The following FCF1 variants were observed in gnomAD, a reference collection of about 807,000 sequenced individuals.
FCF1 encodes rRNA-processing protein FCF1 homolog.
Under a neutral mutation model 32.5 loss-of-function variants are expected in FCF1, and 17 were observed. The ratio of observed to expected loss-of-function variants is 0.52; its 90% CI spans 0.36 to 0.78. FCF1 has a LOEUF of 0.78. Ranked by LOEUF, FCF1 falls within the 30% of genes least tolerant of loss-of-function variation. The pLI is 0.00. For synonymous variants in FCF1, 84 were observed against 78.4 expected, an observed-to-expected ratio of 1.07 and a Z score of -0.38; for missense variants, 201 against 241.1, an observed-to-expected ratio of 0.83 and a Z score of 1.10.
At chr14:74,722,003 A>G (rs2090510017) in intron 4 of FCF1, among the ~76,000 whole-genome samples, 1 of 151,746 alleles carries the variant, frequency 6.6e-6, no homozygotes, top group African/African-American at 2.4e-5. Context: ...ATATACCTAC[A>G]AACTTAGTAT....
At chr14:74,734,845 A>C in intron 7 of FCF1, 37 bp from the exon 8 acceptor site, 1 of 1,589,120 alleles carries the variant, frequency 6.3e-7, no homozygotes, top group Non-Finnish European at 8.6e-7. Flanking sequence ...TTCTCTTCCC[A>C]TCTTTCTTAC....
At position 74,714,891 on chromosome 14, in the gene FCF1, A is replaced by G. The variant is rs2090395624; in HGVS notation, c.91A>G (p.Lys31Glu). 1 of 1,591,488 alleles carries G rather than the reference A, an allele frequency of 6.3e-7. No individual in the cohort carries two copies. The highest frequency in any genetic ancestry group is 8.5e-7 in the Non-Finnish European group (1 of 1,171,000). ...TCCTAGTAAAGAAAAGGATAGATTA[A>G]AACCTAAAAAGAAAGAAAAGAAGGA... ...DQRLKEKDRL[K>E]PKKKEKKDPS... The change falls in exon 3 of 8, where the codon AAA becomes GAA. Residue 31 changes from lysine (K) to glutamate (E), a missense_variant. Around this residue, in one of 3 missense-constraint regions of FCF1, gnomAD observed 76 missense variants for 75.0 expected, o/e 1.01. Transcript: ENST00000341162.
In FCF1 at chr14:74,723,266, T is replaced by C; in HGVS notation, c.293-6T>C. On this transcript the variant is annotated splice_region_variant and splice_polypyrimidine_tract_variant and intron_variant, in intron 4 of 7. Coordinates refer to ENST00000341162, the MANE Select transcript of FCF1 (RefSeq NM_015962.5). ...TGTTCTTAATGTGAATTTTTTTCCC[T>C]GGCAGGTATCCCATGTATAACCGAT... 1.2e-6 allele frequency: 2 copies of C among 1,610,658 alleles called. No homozygotes were observed. Among genetic ancestry groups the C allele is most frequent in the Non-Finnish European group, 1.7e-6 (2 of 1,177,100 alleles).
At position 74,735,328 on chromosome 14, in the gene FCF1, C is replaced by A. The variant is rs563966573; in HGVS notation, c.*398C>A. ...CACAGCTAGAGAAACAGGGTATTTA[C>A]AATGCCTGGGAAAGGAGGAGAGATA... On this transcript the variant is annotated 3_prime_UTR_variant, in exon 8 of 8. Transcript: ENST00000341162. 1.4e-3 allele frequency: 223 copies of A among 155,388 alleles called. No homozygotes were observed. Among genetic ancestry groups the A allele is most frequent in the Middle Eastern group, 3.2e-3 (1 of 310 alleles). 9.6% of individuals were successfully genotyped at this position (155,388 alleles called of 1,614,324 possible).
At chr14:74,722,907 A>G (rs931455832) in intron 4 of FCF1, among the ~76,000 whole-genome samples, 20 of 152,208 alleles carry the variant, frequency 1.3e-4, no homozygotes, top group African/African-American at 3.6e-4. Context: ...GGCTGCAGTG[A>G]GTTGAGATCG....
At chr14:74,734,696 A>G (rs1450208938) in intron 7 of FCF1, among the ~76,000 whole-genome samples, 186 bp from the exon 8 acceptor site, 1 of 152,206 alleles carries the variant, frequency 6.6e-6, no homozygotes, top group Non-Finnish European at 1.5e-5. Flanking sequence ...CTTTGAAAAA[A>G]CAATCATATT....
intron 2 of FCF1, among the ~76,000 whole-genome samples, chr14:74,713,861 C>T (rs1350046712): frequency 3.3e-5 from 5 of 152,186 alleles, no homozygotes; most frequent in Non-Finnish European, 7.3e-5. Flanking sequence ...TTTACCATTA[C>T]ACTACTACAT....
intron 4 of FCF1, among the ~76,000 whole-genome samples, chr14:74,717,427 A>G (rs952719532): frequency 5.9e-5 from 9 of 152,056 alleles, no homozygotes; most frequent in African/African-American, 2.2e-4. Context: ...ATCAGATGAG[A>G]AAAAAATGGA....
intron 4 of FCF1, among the ~76,000 whole-genome samples, 176 bp from the exon 5 acceptor site, chr14:74,723,093 GACA>G (rs1288116617): frequency 1.3e-5 from 2 of 152,120 alleles, no homozygotes; most frequent in Non-Finnish European, 2.9e-5. Flanking sequence ...TTGGGGTTGG[GACA>G]ATCTTAGTTT....
intron 3 of FCF1, chr14:74,715,697 T>C (rs2090408865): frequency 1.6e-6 from 1 of 640,882 alleles, no homozygotes; most frequent in African/African-American, 1.8e-5. Flanking sequence ...AGAGCTAGAT[T>C]GGATAATTGC....
At chr14:74,727,324 T>C (rs1368807714) in intron 5 of FCF1, among the ~76,000 whole-genome samples, 7 of 151,622 alleles carry the variant, frequency 4.6e-5, no homozygotes, top group South Asian at 2.1e-4. Context: ...TGGTATCTCA[T>C]TGTGGTTTTG....
intron 2 of FCF1, among the ~76,000 whole-genome samples, chr14:74,714,364 A>T (rs2090384333): frequency 6.6e-6 from 1 of 152,242 alleles, no homozygotes; most frequent in South Asian, 2.1e-4. Flanking sequence ...CTCAGCCTTT[A>T]GTGTGGATGT....
chr14:74,715,572 A>C (rs1036992573), intron 3 of FCF1: 4 of 350,408 alleles, frequency 1.1e-5, no homozygotes, highest in African/African-American at 8.6e-5. Flanking sequence ...ATCACATTCC[A>C]TAACAGCAGT....
chr14:74,716,744 C>T (rs1373176282), intron 4 of FCF1, among the ~76,000 whole-genome samples: 5 of 152,074 alleles, frequency 3.3e-5, no homozygotes, highest in African/African-American at 1.2e-4. Context: ...AAGATCTGTC[C>T]CATTTGTAGC....
At chr14:74,713,608 A>G in intron 2 of FCF1, 56 bp downstream of exon 2, 3 of 1,450,750 alleles carry the variant, frequency 2.1e-6, no homozygotes, top group Non-Finnish European at 2.9e-6. Context: ...TAGAGAGGAT[A>G]AGTAGTAAAA....
chr14:74,724,427 G>A (rs1426761651), intron 5 of FCF1, among the ~76,000 whole-genome samples: 1 of 152,148 alleles, frequency 6.6e-6, no homozygotes, highest in African/African-American at 2.4e-5. Flanking sequence ...TGGGACTACA[G>A]GCATGCAACA....
chr14:74,723,850 A>G (rs1482133370), intron 5 of FCF1, among the ~76,000 whole-genome samples: 1 of 152,076 alleles, frequency 6.6e-6, no homozygotes, highest in Non-Finnish European at 1.5e-5. Context: ...AAAAGAGAAA[A>G]TACAGAGAAT....
At chr14:74,725,751 G>A (rs571662500) in intron 5 of FCF1, among the ~76,000 whole-genome samples, 3 of 151,938 alleles carry the variant, frequency 2.0e-5, no homozygotes, top group South Asian at 2.1e-4. Context: ...TGGCTAACAC[G>A]GTGAAACCCT....
intron 6 of FCF1, among the ~76,000 whole-genome samples, 195 bp downstream of exon 6, chr14:74,733,013 T>C (rs1196401207): frequency 6.6e-6 from 1 of 152,148 alleles, no homozygotes; most frequent in Non-Finnish European, 1.5e-5. Context: ...AAATGTACAC[T>C]CTAACCATAA....
Sources: allele counts gnomAD v4.1 joint callset (sites outside exome capture counted in the v4.1 genomes callset), GRCh38; gene constraint gnomAD v4.1.1; regional missense constraint gnomAD v4.1.1; transcripts MANE v1.5; gene names NCBI Gene and HGNC (gene_info 2026-07-23, HGNC 2026-07-21).